Variants in CFAP46 observed in about 807,000 individuals in gnomAD.
CFAP46 encodes cilia- and flagella-associated protein 46.
In CFAP46, 245 loss-of-function variants were observed where a neutral mutation model predicts 325.7. The observed-to-expected ratio is 0.75, with a 90% CI of 0.68 to 0.84. CFAP46 has a LOEUF of 0.84. Among genes scored for constraint, CFAP46 ranks in the 40% least tolerant of loss-of-function variants. CFAP46 has a pLI of 0.00. For synonymous variants in CFAP46, 1,523 were observed against 1,495.9 expected (o/e 1.02, Z -0.42); for missense variants, 3,346 against 3,543.0 (o/e 0.94, Z 1.41).
At chr10:132,908,409 C>T (rs1322882451) in intron 22 of CFAP46, 59 bp downstream of exon 22, 2 of 1,537,302 alleles carry the variant, frequency 1.3e-6, no homozygotes, top group Non-Finnish European at 1.8e-6. Flanking sequence ...TGATTGAGGC[C>T]CAGGCCTGCG....
At chr10:132,902,701 TCTTA>T (rs1191484578) in intron 22 of CFAP46, among the ~76,000 whole-genome samples, 1 of 152,250 alleles carries the variant, frequency 6.6e-6, no homozygotes, top group Non-Finnish European at 1.5e-5. Context: ...TCTAGTAATT[TCTTA>T]CTTTATGCTG....
rs1848464008 is a variant in CFAP46 at position 132,847,705 on chromosome 10, A to T, written c.5953-384T>A. On this transcript the variant is annotated intron_variant, in intron 41 of 57. Coordinates refer to ENST00000368586, the MANE Select transcript of CFAP46 (RefSeq NM_001200049.3). The surrounding 1 kb of genome is among the most constrained non-coding windows in gnomAD (Gnocchi z 5.2). The stretch of plus-strand genomic sequence containing the variant: ...AGCCAGCACTGAGGCTGAGGCATCC[A>T]CCAGCCCTCAGGGGCCCCTGATCTG... 6.6e-6 allele frequency among the ~76,000 whole-genome samples: 1 copy of T among 152,064 alleles called. No homozygotes were observed. Among genetic ancestry groups the T allele is most frequent in the Non-Finnish European group, 1.5e-5 (1 of 67,996 alleles).
chr10:132,879,490 G>A lies in CFAP46; in HGVS notation c.3941C>T (p.Pro1314Leu), dbSNP rs527706207. 1.6e-5 allele frequency: 25 copies of A among 1,546,584 alleles called. No homozygotes were observed. The highest frequency in any genetic ancestry group is 2.4e-5 in the East Asian group (1 of 40,868). ...VHILLALVLS[P>L]GAEGYEDCCL... ...GCAGTCCTCGTAGCCCTCGGCGCCC[G>A]GCGACAGCACCAGGGCCAGCAGGAT... is the stretch of plus-strand genomic sequence containing the variant. The change falls in exon 29 of 58, where the codon CCG (proline) becomes CTG (leucine). Residue 1314 changes from proline (P) to leucine (L), a missense_variant. By Grantham distance (98) the Pro-to-Leu change is moderately conservative. Coordinates refer to ENST00000368586, the MANE Select transcript of CFAP46 (RefSeq NM_001200049.3).
chr10:132,838,442 G>A (rs1167112801), intron 44 of CFAP46, among the ~76,000 whole-genome samples: 4 of 152,300 alleles, frequency 2.6e-5, no homozygotes, highest in Admixed American at 2.6e-4. Flanking sequence ...GCCAGGCAAA[G>A]AGATGGGACA....
At chr10:132,810,204 G>T (rs1413575734) in intron 57 of CFAP46, among the ~76,000 whole-genome samples, 1 of 152,210 alleles carries the variant, frequency 6.6e-6, no homozygotes, top group African/African-American at 2.4e-5. Context: ...ACGGTGGGGG[G>T]CTGGGGTGGT....
Position 132,870,125 on chromosome 10 carries a change from T to C in CFAP46, c.4512-753A>G, listed in dbSNP as rs2135302027. Among the ~76,000 whole-genome samples the C allele has an allele frequency of 3.3e-5, 5 of 152,318 alleles. No individual in the cohort carries two copies. In the South Asian group the frequency reaches 1.0e-3, roughly 32 times the overall value. On this transcript the variant is annotated intron_variant, in intron 32 of 57. Coordinates refer to ENST00000368586, the MANE Select transcript of CFAP46 (RefSeq NM_001200049.3). ...TGTTATGGTGATCTGTGTTCAGTGA[T>C]CTTTGCGGTTACCATTGTAATTGTT... is the stretch of plus-strand genomic sequence containing the variant.
Position 132,876,938 on chromosome 10 carries a change from T to C in CFAP46, c.4236A>G (p.Lys1412=). ...PKQSQSPAPI[K]QLEDLPMSIE... is the part of the protein sequence containing the mutation. ...TGCTCATGGGTAAGTCTTCCAGTTG[T>C]TTGATAGGAGCTGGGCTTTGAGACT... Residue 1412 remains lysine, a synonymous_variant, in exon 31 of 58, where the codon AAA becomes AAG. Transcript: ENST00000368586. This position sits in a 1 kb window ranked among gnomAD's most constrained non-coding sequence, Gnocchi z 4.1. 6.5e-7 allele frequency: 1 copy of C among 1,550,334 alleles called. No homozygotes were observed. The highest frequency in any genetic ancestry group is 8.7e-7 in the Non-Finnish European group (1 of 1,146,896).
At chr10:132,823,690 GTGC>G (rs1198298031) in intron 50 of CFAP46, among the ~76,000 whole-genome samples, 2 of 132,748 alleles carry the variant, frequency 1.5e-5, no homozygotes, top group African/African-American at 2.9e-5. Flanking sequence ...GTGCTGATGT[GTGC>G]TGATGTGTGC....
chr10:132,867,550 A>G (rs1848834536), intron 33 of CFAP46, 43 bp from the exon 34 acceptor site: 1 of 1,540,220 alleles, frequency 6.5e-7, no homozygotes, highest in Non-Finnish European at 8.7e-7. Flanking sequence ...CCACATGGCC[A>G]CGAAAATGTC....
In CFAP46 at chr10:132,939,421, C is replaced by T. The variant is rs368503640; in HGVS notation, c.372-668G>A. 4.6e-5 allele frequency among the ~76,000 whole-genome samples: 7 copies of T among 152,126 alleles called. No individual in the cohort carries two copies. The East Asian group carries it at 5.8e-4, about 13-fold the overall frequency. Reference sequence around the variant, plus strand: ...TTGCAGGGACTGAAGTAAGGGAATCCGGGCCCATCTGCCCTTCTCACTCTA... The same window carrying T: ...TTGCAGGGACTGAAGTAAGGGAATCTGGGCCCATCTGCCCTTCTCACTCTA... On this transcript the variant is annotated intron_variant, in intron 4 of 57. Transcript: ENST00000368586. This position sits in a 1 kb window ranked among gnomAD's most constrained non-coding sequence, Gnocchi z 4.6.
At position 132,934,877 on chromosome 10, in the gene CFAP46, G is replaced by A. The variant is rs770550549; in HGVS notation, c.756-15C>T. ...GCTCCGCTTTTCTAGAAATAATTCAGAGAGTAATTCAGCACAAGATCCTGT... is the reference window on the plus strand; with the variant it reads ...GCTCCGCTTTTCTAGAAATAATTCAAAGAGTAATTCAGCACAAGATCCTGT... On this transcript the variant is annotated splice_polypyrimidine_tract_variant and intron_variant, in intron 7 of 57. Transcript: ENST00000368586. 6 of 1,454,248 alleles carry A rather than the reference G, an allele frequency of 4.1e-6. No individual in the cohort carries two copies. The Admixed American group carries it at 8.4e-5, about 20-fold the overall frequency. The allele number at this position is 1,454,248 out of a possible 1,614,324, so 90.1% of individuals were successfully genotyped here. A position where few individuals can be genotyped will look rare whatever the true frequency, so the allele number is the denominator to read the frequency against.
Position 132,808,426 on chromosome 10 carries a change from T to C in CFAP46, c.8143A>G (p.Ile2715Val). 6.2e-7 allele frequency: 1 copy of C among 1,600,054 alleles called. No individual in the cohort carries two copies. The highest frequency in any genetic ancestry group is 1.7e-4 in the Middle Eastern group (1 of 6,010). ...KTIQTVSLFLI is the reference protein window; with the variant it reads ...KTIQTVSLFLV ...TTGTTTGTTTAGTGGAACACTCAAA[T>C]CAAAAACAGGCTCACGGTCTGAATA... Residue 2715 changes from isoleucine (I) to valine (V), a missense_variant, in exon 58 of 58, where the codon ATT (isoleucine) becomes GTT (valine). By Grantham distance (29) the Ile-to-Val change is conservative. Coordinates refer to ENST00000368586, the MANE Select transcript of CFAP46 (RefSeq NM_001200049.3). The surrounding 1 kb of genome is among the most constrained non-coding windows in gnomAD (Gnocchi z 6.8).
chr10:132,910,340 G>A (rs1459504365), intron 19 of CFAP46, among the ~76,000 whole-genome samples: 2 of 152,174 alleles, frequency 1.3e-5, no homozygotes, highest in Admixed American at 6.5e-5. Flanking sequence ...CTGGGACCCC[G>A]CAGGAAGGAG....
At chr10:132,855,325 G>A (rs1848625554) in intron 39 of CFAP46, among the ~76,000 whole-genome samples, 3 of 152,196 alleles carry the variant, frequency 2.0e-5, no homozygotes, top group Non-Finnish European at 4.4e-5. Context: ...GGCTGTGTGT[G>A]TTGTTAATAT....
At position 132,922,229 on chromosome 10, in the gene CFAP46, G is replaced by C. The variant is rs559831136; in HGVS notation, c.1486-5C>G. 2.1e-5 allele frequency: 32 copies of C among 1,548,490 alleles called. No individual in the cohort carries two copies. In the African/African-American group the frequency reaches 3.7e-4, roughly 18 times the overall value. On this transcript the variant is annotated splice_region_variant and splice_polypyrimidine_tract_variant and intron_variant, in intron 12 of 57. Transcript: ENST00000368586. ...CTTTGGTGTAGCTTTTTTTGCCTGTGAAAAGCAGAGACTGATGAGCAAGGG... is the reference window on the plus strand; with the variant it reads ...CTTTGGTGTAGCTTTTTTTGCCTGTCAAAAGCAGAGACTGATGAGCAAGGG...
chr10:132,930,643 G>A (rs1849882904), intron 8 of CFAP46, among the ~76,000 whole-genome samples: 2 of 88,128 alleles, frequency 2.3e-5, no homozygotes, highest in East Asian at 3.9e-4. Context: ...TCCACACAGA[G>A]CCTGGGCCTC....
At position 132,942,519 on chromosome 10, in the gene CFAP46, G is replaced by C. The variant is rs955157579; in HGVS notation, c.-35C>G. ...GCCCTGCTCGTCCGCTCTCTCCGGG[G>C]TCCGCGGTGCGTCCTGCCGCCCACT... On this transcript the variant is annotated 5_prime_UTR_variant, in exon 1 of 58. Coordinates refer to ENST00000368586, the MANE Select transcript of CFAP46 (RefSeq NM_001200049.3). The C allele has an allele frequency of 1.8e-5, 23 of 1,257,724 alleles. No individual in the cohort carries two copies. The East Asian group carries it at 6.3e-4, about 34-fold the overall frequency. The allele number at this position is 1,257,724 out of a possible 1,614,324, so 77.9% of individuals were successfully genotyped here.
intron 8 of CFAP46, among the ~76,000 whole-genome samples, chr10:132,933,546 C>T (rs531256898): frequency 6.6e-6 from 1 of 152,358 alleles, no homozygotes; most frequent in Admixed American, 6.5e-5. Flanking sequence ...CACACATCCC[C>T]ATGTACACAT....
At position 132,909,240 on chromosome 10, in the gene CFAP46, G is replaced by T; in HGVS notation, c.2654C>A (p.Thr885Asn). Residue 885 changes from threonine to asparagine, a missense_variant, in exon 21 of 58, where the codon ACC becomes AAC. Coordinates refer to ENST00000368586, the MANE Select transcript of CFAP46 (RefSeq NM_001200049.3). Reference sequence around the variant, plus strand: ...GGTCACCGAGCTGACATCCTCATTGGTGCCCTGGTGGGGAGGATGCCCTGA... The same window carrying T: ...GGTCACCGAGCTGACATCCTCATTGTTGCCCTGGTGGGGAGGATGCCCTGA... ...GPRLGTEEQGTNEDVSSVTRV... is the reference protein window; with the variant it reads ...GPRLGTEEQGNNEDVSSVTRV... 6.5e-7 allele frequency: 1 copy of T among 1,549,848 alleles called. No individual in the cohort carries two copies. The highest frequency in any genetic ancestry group is 8.7e-7 in the Non-Finnish European group (1 of 1,146,466).
Sources: gnomAD v4.1 joint callset for allele counts (sites outside exome capture counted in the v4.1 genomes callset) on GRCh38, gnomAD v4.1.1 for gene constraint, Gnocchi (gnomAD v3.1) non-coding constraint, MANE v1.5 for transcripts, NCBI Gene and HGNC (gene_info 2026-07-23, HGNC 2026-07-21) for gene names.